The following BCR variants were observed in gnomAD, a reference collection of about 807,000 sequenced individuals.
The protein encoded by BCR is breakpoint cluster region protein.
In BCR, 58 loss-of-function variants were observed where a neutral mutation model predicts 138.6. The ratio of observed to expected loss-of-function variants is 0.42; its 90% confidence interval spans 0.34 to 0.52. The LOEUF (loss-of-function observed/expected upper bound fraction) is 0.52. BCR is among the 20% of genes least tolerant of loss of function. The probability of loss-of-function intolerance (pLI) is 0.06; values close to 1 mark genes in which losing one functional copy is unlikely to be tolerated. For missense variants in BCR, 1,599 were observed against 1,727.2 expected (o/e 0.93, Z 1.32); for synonymous variants, 786 against 730.1 (o/e 1.08, Z -1.23).
chr22:23,186,158 T>C (rs2146195244), intron 1 of BCR, among the ~76,000 whole-genome samples: 1 of 152,280 alleles, frequency 6.6e-6, no homozygotes, highest in Admixed American at 6.5e-5. Flanking sequence ...GAGGACTTGA[T>C]CAGTCACCAG....
intron 1 of BCR, among the ~76,000 whole-genome samples, chr22:23,231,096 T>C (rs918541288): frequency 2.0e-5 from 3 of 152,204 alleles, no homozygotes; most frequent in Non-Finnish European, 4.4e-5. Flanking sequence ...AGTAAACAGT[T>C]TGGCATGTGG....
chr22:23,258,902 G>A (rs2073325695), intron 2 of BCR, among the ~76,000 whole-genome samples: 1 of 152,240 alleles, frequency 6.6e-6, no homozygotes, highest in Admixed American at 6.5e-5. Flanking sequence ...GTGGAGAAGT[G>A]GACGGGGCTG....
At chr22:23,190,986 A>G (rs1015669442) in intron 1 of BCR, among the ~76,000 whole-genome samples, 8 of 151,832 alleles carry the variant, frequency 5.3e-5, no homozygotes, top group Admixed American at 3.3e-4. Context: ...AGGCTGGAGT[A>G]TAGTGGCATG....
At position 23,297,207 on chromosome 22, in the gene BCR, G is replaced by GTTTTTT. The variant is rs1307353327; in HGVS notation, c.3012+2053_3012+2058dup. ...GTGCCCCACCATGCCTGGCTAAGTT[G>GTTTTTT]TTTTTTGTTTTTTGTTTTTTTTTTT... On this transcript the variant is annotated intron_variant, in intron 16 of 22. Transcript: ENST00000305877. Among the ~76,000 whole-genome samples, 110 of 97,368 alleles carry GTTTTTT rather than the reference G, an allele frequency of 1.1e-3. 12 individuals are homozygous for GTTTTTT. Among genetic ancestry groups the GTTTTTT allele is most frequent in the African/African-American group, 3.6e-3 (73 of 20,538 alleles). 63.9% of individuals were successfully genotyped at this position (97,368 alleles called of 152,430 possible).
chr22:23,261,042 G>A lies in BCR; in HGVS notation c.1554G>A (p.Glu518=). The A allele has an allele frequency of 6.2e-7, 1 of 1,613,706 alleles. No homozygotes were observed. The highest frequency in any genetic ancestry group is 8.5e-7 in the Non-Finnish European group (1 of 1,179,964). The change falls in exon 3 of 23, where the codon GAG becomes GAA. Residue 518 remains glutamate (E), a synonymous_variant. Coordinates refer to ENST00000305877, the MANE Select transcript of BCR (RefSeq NM_004327.4). ...ASEETYLSHL[E]ALLLPMKPLK... ...AGGAGACTTACCTGAGCCACCTGGA[G>A]GCACTGCTGCTGGTGAGGAGGATTT...
At chr22:23,276,419 A>G (rs1568968745) in intron 8 of BCR, among the ~76,000 whole-genome samples, 1 of 151,984 alleles carries the variant, frequency 6.6e-6, no homozygotes, top group East Asian at 1.9e-4. Flanking sequence ...AAAAAAAAAA[A>G]AAAGGGCTGG....
chr22:23,226,323 AGAGAGTGTGTGT>A (rs1465367952), intron 1 of BCR, among the ~76,000 whole-genome samples: 94 of 51,674 alleles, frequency 1.8e-3, no homozygotes, highest in African/African-American at 6.3e-3. Context: ...AGAGAGAGAG[AGAGAGTGTGTGT>A]GTGTGTGTGT....
intron 12 of BCR, 90 bp from the exon 13 acceptor site, chr22:23,289,427 C>A: frequency 8.8e-7 from 1 of 1,130,020 alleles, no homozygotes; most frequent in Admixed American, 1.9e-5. Flanking sequence ...GTGCCCCTTC[C>A]CCAGGGTGTG....
At chr22:23,249,124 A>G (rs1233138070) in intron 1 of BCR, among the ~76,000 whole-genome samples, 1 of 152,110 alleles carries the variant, frequency 6.6e-6, no homozygotes, top group Non-Finnish European at 1.5e-5. Context: ...TTCTCAAAAA[A>G]TGTTTTTAAA....
intron 1 of BCR, among the ~76,000 whole-genome samples, chr22:23,246,267 A>G (rs761314371): frequency 7.9e-5 from 12 of 152,130 alleles, no homozygotes; most frequent in Non-Finnish European, 1.5e-4. Flanking sequence ...CTCTACAAAA[A>G]GAAAAAAAAA....
At chr22:23,282,113 C>G (rs1477013419) in intron 8 of BCR, among the ~76,000 whole-genome samples, 1 of 152,222 alleles carries the variant, frequency 6.6e-6, no homozygotes, top group Non-Finnish European at 1.5e-5. Context: ...GCCGGGAGGC[C>G]CTTTGCTGTG....
At chr22:23,282,274 CTG>C (rs1435137159) in intron 8 of BCR, among the ~76,000 whole-genome samples, 2 of 152,246 alleles carry the variant, frequency 1.3e-5, no homozygotes, top group African/African-American at 4.8e-5. Context: ...GGTGCACATG[CTG>C]TTTCTTGCTT....
chr22:23,306,380 G>C (rs902504644), intron 16 of BCR: 8 of 152,306 alleles, frequency 5.3e-5, no homozygotes, highest in African/African-American at 1.9e-4. Flanking sequence ...TCCACCCTGG[G>C]TCCATCAGAG....
At chr22:23,205,640 TA>T (rs961846337) in intron 1 of BCR, among the ~76,000 whole-genome samples, 111 of 148,808 alleles carry the variant, frequency 7.5e-4, no homozygotes, top group East Asian at 6.4e-3. Context: ...TTTGAACCAA[TA>T]ATTTTTTTTT....
chr22:23,246,777 C>A (rs1175976167), intron 1 of BCR, among the ~76,000 whole-genome samples: 2 of 152,004 alleles, frequency 1.3e-5, no homozygotes, highest in Admixed American at 6.6e-5. Flanking sequence ...TTTTTTTTGC[C>A]CACTACTTCA....
At position 23,224,647 on chromosome 22, in the gene BCR, C is replaced by A. The variant is rs144632580; in HGVS notation, c.1280-29152C>A. On this transcript the variant is annotated intron_variant, in intron 1 of 22. Transcript: ENST00000305877. The stretch of plus-strand genomic sequence containing the variant: ...CTGTAATCCCAACACTTTGGGAGGC[C>A]AAGGTGGGCGGATCACTTGAGGTCA... Among the ~76,000 whole-genome samples the A allele has an allele frequency of 3.8e-4, 58 of 152,280 alleles. No homozygotes were observed. In the East Asian group the frequency reaches 9.6e-3, roughly 25 times the overall value.
At chr22:23,184,749 C>T (rs1447325276) in intron 1 of BCR, among the ~76,000 whole-genome samples, 1 of 152,178 alleles carries the variant, frequency 6.6e-6, no homozygotes, top group Admixed American at 6.5e-5. Context: ...GCCCTGGGCA[C>T]CTTGACACTC....
Position 23,182,198 on chromosome 22 carries a change from T to A in BCR, c.1238T>A (p.Ile413Asn). Residue 413 changes from isoleucine to asparagine, a missense_variant, in exon 1 of 23, where the codon ATC becomes AAC. Ile to Asn is a moderately radical substitution (Grantham distance 149, BLOSUM62 -3). Transcript: ENST00000305877. ...GTGGGCGTCCGCAAGACCGGGCAGA[T>A]CTGGCCCAACGATGGCGAGGGCGCC... is the stretch of plus-strand genomic sequence containing the variant. Reference protein sequence around the residue: ...TIVGVRKTGQIWPNDGEGAFH... With the variant: ...TIVGVRKTGQNWPNDGEGAFH... 6 of 1,593,598 alleles carry A rather than the reference T, an allele frequency of 3.8e-6. No homozygotes were observed. Among genetic ancestry groups the A allele is most frequent in the Non-Finnish European group, 5.1e-6 (6 of 1,173,984 alleles).
chr22:23,290,531 C>G, intron 14 of BCR, 118 bp downstream of exon 14: 2 of 1,034,372 alleles, frequency 1.9e-6, no homozygotes, highest in Non-Finnish European at 3.0e-6. Context: ...CACGGGACAC[C>G]TTTGACCCTG....
Sources: allele counts gnomAD v4.1 joint callset (sites outside exome capture counted in the v4.1 genomes callset), GRCh38; gene constraint gnomAD v4.1.1; transcripts MANE v1.5; gene names NCBI Gene and HGNC (gene_info 2026-07-23, HGNC 2026-07-21).